PTP4A1: variants seen among roughly 807,000 people sequenced by gnomAD.
PTP4A1 encodes the protein protein tyrosine phosphatase 4A1.
A neutral mutation model predicts 20.5 loss-of-function variants in PTP4A1; 9 were observed. That is an observed-to-expected ratio of 0.44 (90% CI 0.26 to 0.77). The LOEUF is 0.77. Ranked by LOEUF, PTP4A1 falls within the 30% of genes least tolerant of loss-of-function variation. The pLI, the probability that PTP4A1 is intolerant of heterozygous loss-of-function variation, is 0.19. For synonymous variants in PTP4A1, 78 were observed against 67.4 expected (o/e 1.16, Z -0.77); for missense variants, 137 against 218.8 (o/e 0.63, Z 2.36).
intron 3 of PTP4A1, among the ~76,000 whole-genome samples, chr6:63,556,184 T>C (rs953873371): frequency 3.3e-5 from 5 of 152,250 alleles, no homozygotes; most frequent in Middle Eastern, 3.4e-3. Context: ...CTGTGATTTA[T>C]TTATTTTGAG....
chr6:63,566,160 A>C (rs866219161), intron 3 of PTP4A1, among the ~76,000 whole-genome samples: 1 of 152,252 alleles, frequency 6.6e-6, no homozygotes, highest in Non-Finnish European at 1.5e-5. Context: ...GAGAATTCGT[A>C]CAACAGAGTA....
At position 63,583,307 on chromosome 6, in the gene PTP4A1, T is replaced by G. The variant is rs1379254975; in HGVS notation, c.*3133T>G. The G allele has an allele frequency of 6.6e-6, 1 of 152,216 alleles. No homozygotes were observed. 9.4% of individuals were successfully genotyped at this position (152,216 alleles called of 1,614,324 possible). ...TTAATATTCTACATTCTTGCTTCCT[T>G]AAATTAATATGTTTGTGTGTATATA... On this transcript the variant is annotated 3_prime_UTR_variant, in exon 6 of 6. Coordinates refer to ENST00000626021, the MANE Select transcript of PTP4A1 (RefSeq NM_003463.5).
intron 3 of PTP4A1, among the ~76,000 whole-genome samples, chr6:63,554,845 G>C (rs959079133): frequency 6.6e-6 from 1 of 152,106 alleles, no homozygotes; most frequent in African/African-American, 2.4e-5. Context: ...GGTCACTTTT[G>C]GGGACAATCT....
intron 3 of PTP4A1, among the ~76,000 whole-genome samples, chr6:63,558,360 A>C (rs976979136): frequency 1.3e-5 from 2 of 152,160 alleles, no homozygotes; most frequent in African/African-American, 4.8e-5. Context: ...GACAGTAAAA[A>C]ATTAGAAGGA....
intron 1 of PTP4A1, among the ~76,000 whole-genome samples, chr6:63,526,833 A>ATATATATATTTATT (rs1486980690): frequency 1.6e-5 from 2 of 128,054 alleles, no homozygotes; most frequent in African/African-American, 6.5e-5. Flanking sequence ...ATATATATAT[A>ATATATATATTTATT]TATTTATTTA....
Position 63,528,972 on chromosome 6 carries a change from C to T in PTP4A1, c.-640+888C>T, listed in dbSNP as rs112330374. On this transcript the variant is annotated intron_variant, in intron 2 of 3. Transcript: ENST00000639568. ...GGCGTGGTGGCACATGCCTGTAATC[C>T]CAGCTACTTGGGAGGCTGAGGCAAG... 2.9e-3 allele frequency among the ~76,000 whole-genome samples: 431 copies of T among 151,204 alleles called. 2 individuals are homozygous for T. The highest frequency in any genetic ancestry group is 0.01 in the African/African-American group (418 of 41,208).
intron 3 of PTP4A1, chr6:63,550,600 G>C (rs532033153): frequency 2.0e-5 from 3 of 152,358 alleles, no homozygotes; most frequent in Admixed American, 1.3e-4. Context: ...CATTTCTATA[G>C]TGATATTTGT....
intron 2 of PTP4A1, among the ~76,000 whole-genome samples, chr6:63,538,144 C>A (rs553238671): frequency 3.9e-5 from 6 of 152,180 alleles, no homozygotes; most frequent in Non-Finnish European, 8.8e-5. Flanking sequence ...TGCCTAATCA[C>A]CACCATGAAA....
In PTP4A1 at chr6:63,581,335, T is replaced by A. The variant is rs970058852; in HGVS notation, c.*1161T>A. On this transcript the variant is annotated 3_prime_UTR_variant, in exon 6 of 6. Coordinates refer to ENST00000626021, the MANE Select transcript of PTP4A1 (RefSeq NM_003463.5). The stretch of plus-strand genomic sequence containing the variant: ...TGTTAGTTCAACCATATATTTATAC[T>A]GTCTGGGGATGTGTGGTTATAGTTC... 4.6e-5 allele frequency: 7 copies of A among 152,614 alleles called. No homozygotes were observed. The highest frequency in any genetic ancestry group is 8.8e-5 in the Non-Finnish European group (6 of 68,006). 9.5% of individuals were successfully genotyped at this position (152,614 alleles called of 1,614,324 possible).
intron 2 of PTP4A1, among the ~76,000 whole-genome samples, chr6:63,538,732 G>C (rs1290366696): frequency 6.6e-6 from 1 of 152,156 alleles, no homozygotes; most frequent in East Asian, 1.9e-4. Flanking sequence ...AGAATCACAT[G>C]GAAGGCTTGT....
At chr6:63,551,833 G>T (rs1038971221) in intron 3 of PTP4A1, among the ~76,000 whole-genome samples, 10 of 152,090 alleles carry the variant, frequency 6.6e-5, no homozygotes, top group Non-Finnish European at 1.2e-4. Context: ...GAGAATGATG[G>T]TTTCCAGCTT....
At chr6:63,574,155 G>A (rs1386152277) in intron 1 of PTP4A1, among the ~76,000 whole-genome samples, 2 of 152,208 alleles carry the variant, frequency 1.3e-5, no homozygotes, top group African/African-American at 4.8e-5. Flanking sequence ...CCAAGAGTGA[G>A]CAGCATTTTA....
chr6:63,575,974 G>GT (rs1258190584), intron 1 of PTP4A1, among the ~76,000 whole-genome samples: 1 of 151,826 alleles, frequency 6.6e-6, no homozygotes, highest in Non-Finnish European at 1.5e-5. Flanking sequence ...TCTGGAGTTT[G>GT]TATTAATGTG....
At chr6:63,569,020 A>G (rs1322915009), upstream of PTP4A1, among the ~76,000 whole-genome samples, 1 of 152,138 alleles carries the variant, frequency 6.6e-6, no homozygotes, top group Non-Finnish European at 1.5e-5. Context: ...TATGGCAATG[A>G]TATTACTCTT....
chr6:63,521,861 G>T (rs1257995143), intron 1 of PTP4A1: 2 of 152,088 alleles, frequency 1.3e-5, no homozygotes, highest in East Asian at 3.8e-4. Flanking sequence ...ATATTTTATG[G>T]AACACCTAGG....
chr6:63,536,234 G>A (rs1343333207), intron 2 of PTP4A1, among the ~76,000 whole-genome samples: 1 of 152,178 alleles, frequency 6.6e-6, no homozygotes, highest in Non-Finnish European at 1.5e-5. Context: ...AGAGGCTGAG[G>A]CAGGAGAATC....
intron 3 of PTP4A1, among the ~76,000 whole-genome samples, chr6:63,555,531 G>A (rs1204032509): frequency 1.3e-5 from 2 of 151,816 alleles, no homozygotes; most frequent in Non-Finnish European, 2.9e-5. Flanking sequence ...TGCAATCATA[G>A]TTCTTGGCAC....
chr6:63,572,534 T>G lies in PTP4A1; in HGVS notation c.-631T>G. 1 of 392,600 alleles carries G rather than the reference T, an allele frequency of 2.5e-6. No homozygotes were observed. The highest frequency in any genetic ancestry group is 4.5e-6 in the Non-Finnish European group (1 of 222,304). 24.3% of individuals were successfully genotyped at this position (392,600 alleles called of 1,614,324 possible). On this transcript the variant is annotated 5_prime_UTR_variant, in exon 1 of 6. Coordinates refer to ENST00000626021, the MANE Select transcript of PTP4A1 (RefSeq NM_003463.5). The stretch of plus-strand genomic sequence containing the variant: ...TGCGGGCCGGCTCGGCTACGCGCTC[T>G]GCTCCGAGCCGCTCACTGCATGGTA...
chr6:63,541,353 G>A (rs1775962441), intron 2 of PTP4A1, among the ~76,000 whole-genome samples: 1 of 151,988 alleles, frequency 6.6e-6, no homozygotes, highest in African/African-American at 2.4e-5. Context: ...AGGAGTTCAA[G>A]AGCAGCCTGG....
Sources: gnomAD v4.1 joint callset for allele counts (sites outside exome capture counted in the v4.1 genomes callset) on GRCh38, gnomAD v4.1.1 for gene constraint, MANE v1.5 for transcripts, NCBI Gene and HGNC (gene_info 2026-07-23, HGNC 2026-07-21) for gene names.